The following MST1R variants were observed in gnomAD, a reference collection of about 807,000 sequenced individuals.
The protein encoded by MST1R is macrophage-stimulating protein receptor.
MST1R carries 99 observed loss-of-function variants against 117.8 expected under a neutral mutation model. The ratio of observed to expected loss-of-function variants is 0.84; its 90% CI spans 0.71 to 0.99. The LOEUF is 0.99. Among genes scored for constraint, MST1R ranks in the 50% least tolerant of loss-of-function variants. MST1R has a pLI of 0.00. For missense variants in MST1R, 1,683 were observed against 1,840.2 expected, an observed-to-expected ratio of 0.91 and a Z score of 1.56; for synonymous variants, 734 against 765.3, an observed-to-expected ratio of 0.96 and a Z score of 0.68.
chr3:49,888,232 C>G (rs1006135724), intron 19 of MST1R, among the ~76,000 whole-genome samples: 1 of 151,410 alleles, frequency 6.6e-6, no homozygotes, highest in Admixed American at 6.6e-5. Flanking sequence ...GTCAGGAGAT[C>G]GAGACCATCC....
chr3:49,902,678 G>T lies in MST1R; in HGVS notation c.932C>A (p.Ala311Asp). The T allele has an allele frequency of 6.2e-7, 1 of 1,613,306 alleles. No homozygotes were observed. The highest frequency in any genetic ancestry group is 8.5e-7 in the Non-Finnish European group (1 of 1,180,000). The part of the protein sequence containing the change: ...RFAPKRRRRG[A>D]PEGGQPYPVL... The stretch of plus-strand genomic sequence containing the variant: ...AGGGTAGGGCTGTCCGCCTTCTGGG[G>T]CCCCCCGGCGCCTGCGTTTTGGAGC... The change falls in exon 1 of 20, where the codon GCC (alanine) becomes GAC (aspartate). Residue 311 changes from alanine (A) to aspartate (D), a missense_variant. Ala to Asp is a moderately radical substitution (Grantham distance 126). Transcript: ENST00000296474.
chr3:49,889,807 G>A (rs749858747), intron 19 of MST1R, 117 bp downstream of exon 19: 2 of 1,273,284 alleles, frequency 1.6e-6, no homozygotes, highest in East Asian at 2.5e-5. Flanking sequence ...CCCAGCGAGA[G>A]TCCCTTTCCT....
rs559666859 is a variant in MST1R at position 49,902,239 on chromosome 3, T to C, written c.1230+141A>G. ...TGGTTTCTCACACCACCCCAGCACT[T>C]AGGAACTGGGTGAGAGAGAATGCTT... On this transcript the variant is annotated intron_variant, in intron 1 of 19. Transcript: ENST00000296474. 3.2e-6 allele frequency: 4 copies of C among 1,257,992 alleles called. 1 individual carries two copies. The South Asian group carries it at 4.3e-5, about 14-fold the overall frequency. The allele number at this position is 1,257,992 out of a possible 1,614,324, so 77.9% of individuals were successfully genotyped here.
intron 5 of MST1R, 85 bp downstream of exon 5, chr3:49,897,966 T>A: frequency 6.3e-7 from 1 of 1,586,588 alleles, no homozygotes. Flanking sequence ...CCCTTGCCTC[T>A]GATAAGCAGA....
At position 49,891,596 on chromosome 3, in the gene MST1R, A is replaced by C. The variant is rs948815267; in HGVS notation, c.3353-16T>G. 3 of 1,613,406 alleles carry C rather than the reference A, an allele frequency of 1.9e-6. No homozygotes were observed. Among genetic ancestry groups the C allele is most frequent in the Admixed American group, 3.3e-5 (2 of 60,004 alleles). ...TCTGTGATGCCTGCAGAGCAGCGCA[A>C]GTCAGGCACAGGGCAGGGCGTCCCT... On this transcript the variant is annotated splice_polypyrimidine_tract_variant and intron_variant, in intron 15 of 19. Coordinates refer to ENST00000296474, the MANE Select transcript of MST1R (RefSeq NM_002447.4).
At chr3:49,897,461 C>T (rs773621094) in intron 6 of MST1R, 45 bp from the exon 7 acceptor site, 1 of 1,609,012 alleles carries the variant, frequency 6.2e-7, no homozygotes, top group Non-Finnish European at 8.5e-7. Flanking sequence ...CCACTCCAAG[C>T]CCCTCCCTTC....
chr3:49,895,653 G>A (rs2082441471), intron 12 of MST1R, 62 bp downstream of exon 12: 1 of 1,611,992 alleles, frequency 6.2e-7, no homozygotes, highest in Non-Finnish European at 8.5e-7. Flanking sequence ...GAGGATGTAG[G>A]GACTTGAAGA....
intron 1 of MST1R, among the ~76,000 whole-genome samples, chr3:49,901,922 C>T (rs1559483040): frequency 2.2e-5 from 1 of 44,838 alleles, no homozygotes. Context: ...TGTATTTGTG[C>T]GTGGTGGTGG....
In MST1R at chr3:49,898,125, C is replaced by T. The variant is rs963970884; in HGVS notation, c.1806G>A (p.Val602=). Residue 602 remains valine, a synonymous_variant, in exon 5 of 20, where the codon GTG becomes GTA. Coordinates refer to ENST00000296474, the MANE Select transcript of MST1R (RefSeq NM_002447.4). ...SNFYLHPSGL[V]PEGTHQVTVG... is the part of the protein sequence containing the mutation. ...CAGTGACCTGATGGGTTCCCTCAGG[C>T]ACCAGACCAGAAGGGTGAAGGTAGA... is the stretch of plus-strand genomic sequence containing the variant. 2 of 1,613,980 alleles carry T rather than the reference C, an allele frequency of 1.2e-6. No homozygotes were observed. Among genetic ancestry groups the T allele is most frequent in the Non-Finnish European group, 8.5e-7 (1 of 1,180,042 alleles).
At chr3:49,902,225 A>T (rs2082702319) in intron 1 of MST1R, 155 bp downstream of exon 1, 4 of 1,151,058 alleles carry the variant, frequency 3.5e-6, no homozygotes, top group Admixed American at 2.4e-5. Context: ...GGTTTCTCAC[A>T]CCACCCCAGC....
intron 1 of MST1R, among the ~76,000 whole-genome samples, chr3:49,901,980 G>C (rs2082693627): frequency 6.6e-6 from 1 of 151,852 alleles, no homozygotes; most frequent in African/African-American, 2.4e-5. Flanking sequence ...CTATTTTTCT[G>C]CGTGTGTCCC....
At chr3:49,897,484 C>CT in intron 6 of MST1R, 36 bp downstream of exon 6, 2 of 1,610,506 alleles carry the variant, frequency 1.2e-6, no homozygotes, top group Non-Finnish European at 1.7e-6. Context: ...GTACCATGCA[C>CT]TGGCCAAGGG....
rs1449563443 is a variant in MST1R at position 49,890,601 on chromosome 3, C to T, written c.3694G>A (p.Asp1232Asn). Residue 1232 changes from aspartate to asparagine, a missense_variant, in exon 18 of 20, where the codon GAC becomes AAC. Physicochemically the swap from Asp to Asn is conservative, Grantham distance 23. Transcript: ENST00000296474. The stretch of plus-strand genomic sequence containing the variant: ...CTATAGTACTCCCTGTCCAGGATGT[C>T]GCGGGCCAAACCAAAGTCAGCCACC... ...VKVADFGLAR[D>N]ILDREYYSVQ... The T allele has an allele frequency of 3.7e-6, 6 of 1,614,006 alleles. No homozygotes were observed. The highest frequency in any genetic ancestry group is 1.3e-5 in the African/African-American group (1 of 75,040).
rs775769350 is a variant in MST1R, at chr3:49,891,314, C to T, written c.3535-8G>A. 3.1e-6 allele frequency: 5 copies of T among 1,613,992 alleles called. No individual in the cohort carries two copies. The Admixed American group carries it at 5.0e-5, about 16-fold the overall frequency. ...GTCCTTCACGGTGGGGTTCTGGGGG[C>T]ACAGGTGGGTTGGTGGGCAAGGGCA... On this transcript the variant is annotated splice_region_variant and splice_polypyrimidine_tract_variant and intron_variant, in intron 16 of 19. Coordinates refer to ENST00000296474, the MANE Select transcript of MST1R (RefSeq NM_002447.4).
Position 49,902,445 on chromosome 3 carries a change from G to A in MST1R, c.1165C>T (p.Pro389Ser). ...CCTCGCCGGAGGCCTGGATGGACTG[G>A]GGATTCACAACAGCGCTCCACACCC... Reference protein sequence around the residue: ...DEGVERCCESPVHPGLRRGLD... With the variant: ...DEGVERCCESSVHPGLRRGLD... Residue 389 changes from proline to serine, a missense_variant, in exon 1 of 20, where the codon CCA (proline) becomes TCA (serine). Transcript: ENST00000296474. The A allele has an allele frequency of 6.2e-7, 1 of 1,614,178 alleles. No individual in the cohort carries two copies. The highest frequency in any genetic ancestry group is 1.3e-5 in the African/African-American group (1 of 75,070).
chr3:49,903,654 GGAC>G lies in MST1R; in HGVS notation c.-48_-46del, dbSNP rs768008276. On this transcript the variant is annotated 5_prime_UTR_variant, in exon 1 of 20. Transcript: ENST00000296474. The stretch of plus-strand genomic sequence containing the variant: ...AGAGGATCCCTACCGGCCTGGGCCT[GGAC>G]CTGGGCGTGGGCCTGGCTGGGGGCC... 2 of 1,520,728 alleles carry G rather than the reference GGAC, an allele frequency of 1.3e-6. No individual in the cohort carries two copies. The highest frequency in any genetic ancestry group is 1.4e-5 in the African/African-American group (1 of 72,442). 94.2% of individuals were successfully genotyped at this position (1,520,728 alleles called of 1,614,324 possible). A position where few individuals can be genotyped will look rare whatever the true frequency, so the allele number is the denominator to read the frequency against.
rs1575439160 is a variant in MST1R at position 49,896,646 on chromosome 3, G to A, written c.2346-13C>T. 6.2e-7 allele frequency: 1 copy of A among 1,613,850 alleles called. No homozygotes were observed. ...GATGTGGGAGTTGCTGTGGAAGAGG[G>A]TAGGGTGGTAGGCTTTGGGTGTTCT... On this transcript the variant is annotated splice_polypyrimidine_tract_variant and intron_variant, in intron 8 of 19. Transcript: ENST00000296474.
At chr3:49,891,172 C>T (rs368394904) in intron 17 of MST1R, 25 bp downstream of exon 17, 3 of 1,606,482 alleles carry the variant, frequency 1.9e-6, no homozygotes, top group African/African-American at 2.7e-5. Flanking sequence ...CCTTTTGCTT[C>T]ACCCCAGCTA....
rs1174236592 is a variant in MST1R at position 49,898,114 on chromosome 3, G to A, written c.1817C>T (p.Thr606Ile). 1.2e-6 allele frequency: 2 copies of A among 1,614,106 alleles called. No homozygotes were observed. Among genetic ancestry groups the A allele is most frequent in the South Asian group, 2.2e-5 (2 of 91,090 alleles). The change falls in exon 5 of 20, where the codon ACC (threonine) becomes ATC (isoleucine). Residue 606 changes from threonine to isoleucine, a missense_variant. By Grantham distance (89) the Thr-to-Ile change is moderately conservative. Coordinates refer to ENST00000296474, the MANE Select transcript of MST1R (RefSeq NM_002447.4). The stretch of plus-strand genomic sequence containing the variant: ...ACTTTGGCCCACAGTGACCTGATGG[G>A]TTCCCTCAGGCACCAGACCAGAAGG... ...LHPSGLVPEG[T>I]HQVTVGQSPC...
Sources: allele counts gnomAD v4.1 joint callset (sites outside exome capture counted in the v4.1 genomes callset), GRCh38; gene constraint gnomAD v4.1.1; transcripts MANE v1.5; gene names NCBI Gene and HGNC (gene_info 2026-07-23, HGNC 2026-07-21).